Variants in LRP1B observed in about 807,000 individuals in gnomAD.
LRP1B encodes the protein low-density lipoprotein receptor-related protein 1B.
Under a neutral mutation model 556.6 loss-of-function variants are expected in LRP1B, and 217 were observed. That is an observed-to-expected ratio of 0.39 (90% CI 0.35 to 0.44). The LOEUF is 0.44. Ranked by LOEUF, LRP1B falls within the 20% of genes least tolerant of loss-of-function variation. LRP1B has a pLI of 1.00. For missense variants in LRP1B, 5,053 were observed against 5,620.8 expected, an observed-to-expected ratio of 0.90 and a Z score of 3.23; for synonymous variants, 2,047 against 1,865.8, an observed-to-expected ratio of 1.10 and a Z score of -2.50.
chr2:141,961,155 G>T (rs191863787), intron 1 of LRP1B, among the ~76,000 whole-genome samples: 1 of 151,496 alleles, frequency 6.6e-6, no homozygotes, highest in Admixed American at 6.6e-5. Context: ...AGGTAATTTG[G>T]CCAAATTAAA....
At chr2:141,618,797 T>C (rs917234651) in intron 2 of LRP1B, among the ~76,000 whole-genome samples, 1 of 152,224 alleles carries the variant, frequency 6.6e-6, no homozygotes, top group Non-Finnish European at 1.5e-5. Flanking sequence ...GTCACCCTTC[T>C]GCACCTCATG....
intron 86 of LRP1B, among the ~76,000 whole-genome samples, chr2:140,254,760 G>C (rs6760110): frequency 0.038 from 5,781 of 152,062 alleles, 375 homozygotes; most frequent in African/African-American, 0.13. Flanking sequence ...CACCATGTTG[G>C]TCAGGCTGGT....
intron 27 of LRP1B, among the ~76,000 whole-genome samples, chr2:140,862,960 G>C (rs1044713810): frequency 1.3e-5 from 2 of 152,160 alleles, no homozygotes; most frequent in African/African-American, 4.8e-5. Flanking sequence ...CTGGGCCTGT[G>C]AACTCCTGGA....
intron 1 of LRP1B, among the ~76,000 whole-genome samples, chr2:142,004,561 G>A (rs1574583577): frequency 6.6e-6 from 1 of 151,836 alleles, no homozygotes; most frequent in Non-Finnish European, 1.5e-5. Flanking sequence ...AAACACAATT[G>A]TCAGCCAGGC....
intron 7 of LRP1B, among the ~76,000 whole-genome samples, chr2:141,169,414 C>A (rs1391300638): frequency 6.6e-6 from 1 of 151,692 alleles, no homozygotes; most frequent in African/African-American, 2.4e-5. Flanking sequence ...TTTGTGTTAT[C>A]CCCCTAATGT....
chr2:140,549,298 G>T (rs1374649724), intron 43 of LRP1B, among the ~76,000 whole-genome samples: 1 of 152,114 alleles, frequency 6.6e-6, no homozygotes, highest in Non-Finnish European at 1.5e-5. Flanking sequence ...ATAAAGAAAA[G>T]TGGGAAAATA....
intron 1 of LRP1B, among the ~76,000 whole-genome samples, chr2:142,014,933 A>G (rs750835858): frequency 2.0e-5 from 3 of 152,338 alleles, no homozygotes; most frequent in Non-Finnish European, 4.4e-5. Context: ...CTAAAGATAA[A>G]TACAAACATA....
At chr2:140,662,008 C>T (rs1185199670) in intron 41 of LRP1B, among the ~76,000 whole-genome samples, 3 of 151,842 alleles carry the variant, frequency 2.0e-5, no homozygotes, top group African/African-American at 7.3e-5. Flanking sequence ...ACTCAAATAT[C>T]GTGTTAAAAA....
chr2:140,716,572 G>T, intron 36 of LRP1B, 110 bp downstream of exon 36: 1 of 1,092,730 alleles, frequency 9.2e-7, no homozygotes, highest in East Asian at 2.5e-5. Flanking sequence ...CCTGTGGCTA[G>T]AAGTACAAAT....
At chr2:141,001,337 ATACTT>A (rs1697415820) in intron 15 of LRP1B, among the ~76,000 whole-genome samples, 1 of 151,298 alleles carries the variant, frequency 6.6e-6, no homozygotes, top group Non-Finnish European at 1.5e-5. Flanking sequence ...TTTTGTTTTT[ATACTT>A]TAAGTTCTAG....
chr2:141,659,592 T>C (rs1690135977), intron 2 of LRP1B, among the ~76,000 whole-genome samples: 1 of 152,056 alleles, frequency 6.6e-6, no homozygotes, highest in Non-Finnish European at 1.5e-5. Flanking sequence ...AAGCAGGTTT[T>C]GGGTGGGTCT....
chr2:142,024,532 A>T (rs1340565504), intron 1 of LRP1B, among the ~76,000 whole-genome samples: 1 of 151,534 alleles, frequency 6.6e-6, no homozygotes, highest in African/African-American at 2.4e-5. Context: ...TAAACTTAAG[A>T]CCTAGTTTCT....
At chr2:142,075,397 T>C (rs1262614498) in intron 1 of LRP1B, among the ~76,000 whole-genome samples, 2 of 151,924 alleles carry the variant, frequency 1.3e-5, no homozygotes, top group Non-Finnish European at 2.9e-5. Flanking sequence ...GAGTATTACT[T>C]ATAAATAGAA....
intron 40 of LRP1B, among the ~76,000 whole-genome samples, chr2:140,701,501 T>C (rs1686639496): frequency 6.6e-6 from 1 of 152,110 alleles, no homozygotes; most frequent in African/African-American, 2.4e-5. Flanking sequence ...ATGTAACATG[T>C]CCATGTACCT....
At chr2:141,633,167 A>C (rs1688975195) in intron 2 of LRP1B, among the ~76,000 whole-genome samples, 1 of 152,126 alleles carries the variant, frequency 6.6e-6, no homozygotes, top group Non-Finnish European at 1.5e-5. Flanking sequence ...AAACACAGAA[A>C]AACTGCATAA....
At chr2:141,701,561 C>T (rs1691940151) in intron 2 of LRP1B, among the ~76,000 whole-genome samples, 1 of 151,824 alleles carries the variant, frequency 6.6e-6, no homozygotes, top group South Asian at 2.1e-4. Context: ...GCACAAGAAA[C>T]AAGGTTACTG....
chr2:140,583,176 T>C (rs201173474), intron 43 of LRP1B, among the ~76,000 whole-genome samples: 70 of 86,140 alleles, frequency 8.1e-4, no homozygotes, highest in South Asian at 1.5e-3. Flanking sequence ...TTTTTCTTTT[T>C]TTTTTTTTTT....
rs559852771 is a variant in LRP1B, at chr2:141,290,598, T to C, written c.344-35957A>G. The stretch of plus-strand genomic sequence containing the variant: ...TGTGGCTGTATGAATTCATCTGATG[T>C]TGGCCAAAGTTCCTAATACCTGACT... On this transcript the variant is annotated intron_variant, in intron 3 of 90. Coordinates refer to ENST00000389484, the MANE Select transcript of LRP1B (RefSeq NM_018557.3). Among the ~76,000 whole-genome samples, 6 of 152,244 alleles carry C rather than the reference T, an allele frequency of 3.9e-5. No individual in the cohort carries two copies. The East Asian group carries it at 1.2e-3, about 29-fold the overall frequency.
intron 2 of LRP1B, among the ~76,000 whole-genome samples, chr2:141,721,581 T>C (rs1426848191): frequency 6.6e-6 from 1 of 152,174 alleles, no homozygotes; most frequent in Admixed American, 6.6e-5. Flanking sequence ...ATGAAAGTAA[T>C]TTTTCATCTA....
Sources: allele counts gnomAD v4.1 joint callset (sites outside exome capture counted in the v4.1 genomes callset), GRCh38; gene constraint gnomAD v4.1.1; transcripts MANE v1.5; gene names NCBI Gene and HGNC (gene_info 2026-07-23, HGNC 2026-07-21).